MCTP2: variants seen among roughly 807,000 people sequenced by gnomAD.
MCTP2 encodes multiple C2 and transmembrane domain containing 2, also known as multiple C2 and transmembrane domain-containing protein 2.
Under a neutral mutation model 111.6 loss-of-function variants are expected in MCTP2, and 132 were observed. That is an observed-to-expected ratio of 1.18 (90% CI 1.03 to 1.37). The LOEUF (loss-of-function observed/expected upper bound fraction) is 1.37. Among genes scored for constraint, MCTP2 ranks in the 40% most tolerant of loss-of-function variants. The pLI is 0.00. For missense variants in MCTP2, 1,183 were observed against 1,067.9 expected (o/e 1.11, Z -1.50); for synonymous variants, 395 against 387.7 (o/e 1.02, Z -0.22).
intron 2 of MCTP2, among the ~76,000 whole-genome samples, chr15:94,300,570 A>C (rs980353650): frequency 4.0e-5 from 6 of 151,678 alleles, no homozygotes; most frequent in Non-Finnish European, 5.9e-5. Context: ...TTTGAATGCT[A>C]CTCTAGGCCA....
At chr15:94,383,090 G>A (rs1025768717) in intron 12 of MCTP2, among the ~76,000 whole-genome samples, 1 of 152,082 alleles carries the variant, frequency 6.6e-6, no homozygotes, top group Non-Finnish European at 1.5e-5. Flanking sequence ...CCTTTATTGA[G>A]TTATACTTTT....
In MCTP2 at chr15:94,479,062, C is replaced by A. The variant is rs1172398646; in HGVS notation, c.*28C>A. On this transcript the variant is annotated 3_prime_UTR_variant, in exon 23 of 23. Coordinates refer to ENST00000357742, the MANE Select transcript of MCTP2 (RefSeq NM_001385001.1). ...CACACACCGACTTTGGACAGCAGCA[C>A]CCAATATTGTGTTTGGTTGAGTAGA... 2 of 1,610,458 alleles carry A rather than the reference C, an allele frequency of 1.2e-6. No individual in the cohort carries two copies. The highest frequency in any genetic ancestry group is 4.5e-5 in the East Asian group (2 of 44,828).
intron 17 of MCTP2, among the ~76,000 whole-genome samples, chr15:94,429,826 G>A (rs1006527246): frequency 1.3e-5 from 2 of 152,078 alleles, no homozygotes; most frequent in African/African-American, 4.8e-5. Context: ...GTCTCCACGT[G>A]GACATCTAAT....
Position 94,298,198 on chromosome 15 carries a change from T to C in MCTP2, c.-65-3T>C, listed in dbSNP as rs1207449492. On this transcript the variant is annotated splice_polypyrimidine_tract_variant and splice_region_variant and intron_variant, in intron 1 of 22. Coordinates refer to ENST00000357742, the MANE Select transcript of MCTP2 (RefSeq NM_001385001.1). ...TTTTTTGTTGTTTTTTTCTGTTTTA[T>C]AGGAGTCATTGCAGTTTTCAGTAGA... is the stretch of plus-strand genomic sequence containing the variant. 1 of 1,187,402 alleles carries C rather than the reference T, an allele frequency of 8.4e-7. No homozygotes were observed. The highest frequency in any genetic ancestry group is 1.2e-6 in the Non-Finnish European group (1 of 861,460). The allele number at this position is 1,187,402 out of a possible 1,614,324, so 73.6% of individuals were successfully genotyped here. A position where few individuals can be genotyped will look rare whatever the true frequency, so the allele number is the denominator to read the frequency against.
chr15:94,325,665 A>G (rs1028323897), intron 4 of MCTP2, among the ~76,000 whole-genome samples: 6 of 121,908 alleles, frequency 4.9e-5, no homozygotes, highest in Admixed American at 3.2e-4. Context: ...CCTTATTTGA[A>G]TAAAGACTCT....
At chr15:94,392,838 CA>C (rs1004062019) in intron 14 of MCTP2, among the ~76,000 whole-genome samples, 281 of 148,662 alleles carry the variant, frequency 1.9e-3, no homozygotes, top group Non-Finnish European at 2.0e-3. Context: ...AACAAACAAA[CA>C]AAAAAAAACA....
At chr15:94,388,012 C>G (rs1596547144) in intron 14 of MCTP2, among the ~76,000 whole-genome samples, 1 of 151,872 alleles carries the variant, frequency 6.6e-6, no homozygotes, top group South Asian at 2.1e-4. Flanking sequence ...GTGCCTGTGG[C>G]GAACAGGAAA....
intron 17 of MCTP2, among the ~76,000 whole-genome samples, chr15:94,405,997 C>T (rs1406164339): frequency 6.6e-6 from 1 of 151,996 alleles, no homozygotes; most frequent in African/African-American, 2.4e-5. Flanking sequence ...AAATATTTTG[C>T]CTTGAAGTAA....
At chr15:94,334,326 T>C (rs1046201553) in intron 4 of MCTP2, among the ~76,000 whole-genome samples, 2 of 152,342 alleles carry the variant, frequency 1.3e-5, no homozygotes, top group African/African-American at 4.8e-5. Flanking sequence ...ATTCACCATG[T>C]ACATCTAACT....
chr15:94,400,601 C>CTTT (rs34352208), intron 16 of MCTP2, among the ~76,000 whole-genome samples: 1 of 136,524 alleles, frequency 7.3e-6, no homozygotes, highest in Admixed American at 7.4e-5. Flanking sequence ...GGAAGTTTCA[C>CTTT]TTTTTTTTTT....
At chr15:94,366,068 C>T (rs1162843617) in intron 10 of MCTP2, among the ~76,000 whole-genome samples, 4 of 152,070 alleles carry the variant, frequency 2.6e-5, no homozygotes, top group African/African-American at 9.7e-5. Context: ...AGGCAATAGA[C>T]ATTTCTTTCT....
At chr15:94,470,296 C>A (rs768528889) in intron 20 of MCTP2, 37 bp from the exon 21 acceptor site, 1 of 1,381,770 alleles carries the variant, frequency 7.2e-7, no homozygotes, top group South Asian at 1.2e-5. Context: ...AGTTGTTGAA[C>A]ATCAGAGGAA....
chr15:94,314,012 A>G (rs2152362508), intron 2 of MCTP2, among the ~76,000 whole-genome samples: 1 of 152,348 alleles, frequency 6.6e-6, no homozygotes, highest in South Asian at 2.1e-4. Context: ...AGCTATTTGC[A>G]TGCTAAACAT....
intron 20 of MCTP2, among the ~76,000 whole-genome samples, chr15:94,458,750 C>G (rs886130021): frequency 7.2e-5 from 11 of 152,182 alleles, no homozygotes; most frequent in African/African-American, 2.7e-4. Flanking sequence ...GGATACTACT[C>G]TGTGGCCCTT....
chr15:94,455,665 T>G (rs1404224821), intron 19 of MCTP2, among the ~76,000 whole-genome samples: 1 of 152,160 alleles, frequency 6.6e-6, no homozygotes, highest in African/African-American at 2.4e-5. Flanking sequence ...GACCTCGTTA[T>G]CTGCCCGCCT....
Position 94,367,744 on chromosome 15 carries a change from T to C in MCTP2, c.1441T>C (p.Cys481Arg). Residue 481 changes from cysteine to arginine, a missense_variant, in exon 11 of 23, where the codon TGC becomes CGC. Coordinates refer to ENST00000357742, the MANE Select transcript of MCTP2 (RefSeq NM_001385001.1). ...AGVSVSDLCV[C>R]PLADLSERKQ... ...GGTCTCCGTCTCTGATCTGTGTGTC[T>C]GCCCCTTAGCAGACCTCAGCGAAAG... The C allele has an allele frequency of 6.2e-7, 1 of 1,609,096 alleles. No homozygotes were observed. The highest frequency in any genetic ancestry group is 8.5e-7 in the Non-Finnish European group (1 of 1,177,850).
At chr15:94,245,663 T>C (rs1225967374) in intron 1 of MCTP2, among the ~76,000 whole-genome samples, 1 of 146,332 alleles carries the variant, frequency 6.8e-6, no homozygotes, top group East Asian at 2.0e-4. Flanking sequence ...TATATGTAAA[T>C]GTGTATATAC....
chr15:94,465,001 T>C (rs573275680), intron 20 of MCTP2, among the ~76,000 whole-genome samples: 1 of 152,216 alleles, frequency 6.6e-6, no homozygotes, highest in African/African-American at 2.4e-5. Context: ...TTTGTACTGA[T>C]TTGTTTTTGT....
At chr15:94,298,912 TCCCTCC>T (rs2075430567) in intron 2 of MCTP2, among the ~76,000 whole-genome samples, 182 bp downstream of exon 2, 1 of 40,038 alleles carries the variant, frequency 2.5e-5, no homozygotes, top group African/African-American at 1.2e-4. Context: ...TCCCTCTCCC[TCCCTCC>T]CTCTCCCTCT....
Sources: allele counts gnomAD v4.1 joint callset (sites outside exome capture counted in the v4.1 genomes callset), GRCh38; gene constraint gnomAD v4.1.1; transcripts MANE v1.5; gene names NCBI Gene and HGNC (gene_info 2026-07-23, HGNC 2026-07-21).